MAF: variants seen among roughly 807,000 people sequenced by gnomAD.
The protein encoded by MAF is MAF bZIP transcription factor, also known as transcription factor Maf.
MAF carries 10 observed loss-of-function variants against 22.0 expected under a neutral mutation model. The observed-to-expected ratio is 0.45, with a 90% CI of 0.28 to 0.77. MAF has a LOEUF of 0.77. MAF is among the 30% of genes least tolerant of loss of function. The pLI, the probability that MAF is intolerant of heterozygous loss-of-function variation, is 0.12. For synonymous variants in MAF, 337 were observed against 255.8 expected, an observed-to-expected ratio of 1.32 and a Z score of -3.03; for missense variants, 544 against 548.4, an observed-to-expected ratio of 0.99 and a Z score of 0.08.
intron 1 of MAF, among the ~76,000 whole-genome samples, chr16:79,588,055 C>G (rs762476775): frequency 6.6e-6 from 1 of 152,188 alleles, no homozygotes; most frequent in Non-Finnish European, 1.5e-5. Flanking sequence ...AGCCACATGT[C>G]TACGAGCACA....
At chr16:79,397,837 G>C in the MAF span, among the ~76,000 whole-genome samples, 1 of 152,280 alleles carries the variant, frequency 6.6e-6, no homozygotes, top group Middle Eastern at 3.4e-3. Flanking sequence ...GGCACCTCTG[G>C]CCATGCCCCA....
the MAF span, among the ~76,000 whole-genome samples, chr16:79,299,116 C>T: frequency 6.6e-6 from 1 of 152,126 alleles, no homozygotes; most frequent in Non-Finnish European, 1.5e-5. Context: ...TTTTTTCACC[C>T]TTTTCTCCCT....
At chr16:79,595,574 G>C (rs1018635753) in intron 1 of MAF, 1 of 1,059,554 alleles carries the variant, frequency 9.4e-7, no homozygotes, top group Non-Finnish European at 1.1e-6. Flanking sequence ...TCATGAATTT[G>C]TGTCATTTAA....
At chr16:79,266,612 C>A in the MAF span, among the ~76,000 whole-genome samples, 1 of 152,224 alleles carries the variant, frequency 6.6e-6, no homozygotes, top group African/African-American at 2.4e-5. Flanking sequence ...TGATGCTGCA[C>A]TTTTATTACT....
At chr16:79,339,390 T>C in the MAF span, among the ~76,000 whole-genome samples, 1 of 152,182 alleles carries the variant, frequency 6.6e-6, no homozygotes, top group Non-Finnish European at 1.5e-5. Context: ...TGAGTGTGCC[T>C]TCTCCATGCT....
the MAF span, among the ~76,000 whole-genome samples, chr16:79,297,177 A>C: frequency 1.2e-4 from 18 of 152,320 alleles, no homozygotes; most frequent in East Asian, 3.3e-3. Context: ...ATTTAACGCA[A>C]GGCCATCCTA....
chr16:79,526,359 G>C, the MAF span, among the ~76,000 whole-genome samples: 8 of 152,192 alleles, frequency 5.3e-5, no homozygotes, highest in African/African-American at 1.9e-4. Context: ...GCACCTATGA[G>C]AATCTGATGC....
At chr16:79,357,032 G>C in the MAF span, among the ~76,000 whole-genome samples, 26 of 152,316 alleles carry the variant, frequency 1.7e-4, no homozygotes, top group African/African-American at 6.0e-4. Flanking sequence ...CAAGGCAGCT[G>C]GATCATCTGA....
chr16:79,411,704 C>A, the MAF span, among the ~76,000 whole-genome samples: 1 of 152,230 alleles, frequency 6.6e-6, no homozygotes, highest in Non-Finnish European at 1.5e-5. Flanking sequence ...TTACTCTGTG[C>A]AACTTTCTAG....
At chr16:79,302,812 C>A in the MAF span, among the ~76,000 whole-genome samples, 1 of 152,226 alleles carries the variant, frequency 6.6e-6, no homozygotes, top group South Asian at 2.1e-4. Flanking sequence ...GCATTGCCAC[C>A]AGTGTGCAGC....
chr16:79,279,710 G>C, the MAF span, among the ~76,000 whole-genome samples: 9 of 152,214 alleles, frequency 5.9e-5, no homozygotes, highest in Non-Finnish European at 1.2e-4. Context: ...CCTCGCGCAG[G>C]GGTTCTCTTA....
the MAF span, among the ~76,000 whole-genome samples, chr16:79,304,758 A>G: frequency 6.6e-6 from 1 of 152,192 alleles, no homozygotes; most frequent in Non-Finnish European, 1.5e-5. Flanking sequence ...TAGGGACCAA[A>G]AGGGACTAAA....
At chr16:79,503,589 T>C in the MAF span, among the ~76,000 whole-genome samples, 1 of 152,250 alleles carries the variant, frequency 6.6e-6, no homozygotes, top group African/African-American at 2.4e-5. Context: ...TCATTGTGGC[T>C]GGATTCTCTG....
the MAF span, among the ~76,000 whole-genome samples, chr16:79,435,296 T>A: frequency 1.7e-3 from 261 of 152,236 alleles, 1 homozygote; most frequent in African/African-American, 5.9e-3. Context: ...GCACATACCA[T>A]ATGCACATAT....
chr16:79,413,744 T>C, the MAF span, among the ~76,000 whole-genome samples: 1 of 152,236 alleles, frequency 6.6e-6, no homozygotes, highest in Non-Finnish European at 1.5e-5. Context: ...ATATTAGTTA[T>C]TTTCCTTCTT....
chr16:79,244,753 T>C, the MAF span, among the ~76,000 whole-genome samples: 3 of 152,054 alleles, frequency 2.0e-5, no homozygotes, highest in African/African-American at 7.2e-5. Context: ...AGAGCCCGCA[T>C]AGCCAAGACA....
chr16:79,273,517 G>A, the MAF span, among the ~76,000 whole-genome samples: 5 of 152,178 alleles, frequency 3.3e-5, no homozygotes, highest in East Asian at 9.7e-4. Context: ...CTAAAATCAA[G>A]GTGTCTGCCA....
At chr16:79,560,146 A>G in the MAF span, among the ~76,000 whole-genome samples, 4 of 151,982 alleles carry the variant, frequency 2.6e-5, no homozygotes, top group Non-Finnish European at 5.9e-5. Context: ...CCTGGCCTCA[A>G]GCAATTCTCC....
At chr16:79,438,903 G>C in the MAF span, among the ~76,000 whole-genome samples, 1 of 152,148 alleles carries the variant, frequency 6.6e-6, no homozygotes, top group Admixed American at 6.5e-5. Context: ...GACCGTCCAG[G>C]GAGGTAGGTA....
Sources: allele counts gnomAD v4.1 joint callset (sites outside exome capture counted in the v4.1 genomes callset), GRCh38; gene constraint gnomAD v4.1.1; transcripts MANE v1.5; gene names NCBI Gene and HGNC (gene_info 2026-07-23, HGNC 2026-07-21).